Variants in ATG10 observed in about 807,000 individuals in gnomAD.
The protein encoded by ATG10 is autophagy related 10, also known as ubiquitin-like-conjugating enzyme ATG10.
Under a neutral mutation model 32.1 loss-of-function variants are expected in ATG10, and 30 were observed. The observed-to-expected ratio is 0.94, with a 90% CI of 0.70 to 1.27. The LOEUF is 1.27. ATG10 is among the 50% of genes most tolerant of loss of function. The pLI is 0.00. For missense variants in ATG10, 233 were observed against 262.3 expected, an observed-to-expected ratio of 0.89 and a Z score of 0.77; for synonymous variants, 87 against 91.5, an observed-to-expected ratio of 0.95 and a Z score of 0.28.
chr5:81,991,795 CA>C (rs879300586), intron 2 of ATG10, among the ~76,000 whole-genome samples: 469 of 127,260 alleles, frequency 3.7e-3, no homozygotes, highest in Middle Eastern at 8.0e-3. Flanking sequence ...AACTCCGTCT[CA>C]AAAAAAAAAA....
intron 3 of ATG10, among the ~76,000 whole-genome samples, chr5:82,132,459 G>A (rs1245690926): frequency 2.3e-5 from 3 of 132,972 alleles, no homozygotes; most frequent in Admixed American, 9.5e-5. Context: ...CTGTGTCCAT[G>A]TGTTCTCATT....
At chr5:82,216,900 C>A (rs1745702699) in intron 5 of ATG10, among the ~76,000 whole-genome samples, 1 of 151,934 alleles carries the variant, frequency 6.6e-6, no homozygotes, top group Admixed American at 6.6e-5. Flanking sequence ...ACTAAAAATA[C>A]AAAAATCAGC....
intron 3 of ATG10, among the ~76,000 whole-genome samples, chr5:82,106,008 TAATCA>T (rs1265423889): frequency 6.6e-6 from 1 of 152,142 alleles, no homozygotes; most frequent in Non-Finnish European, 1.5e-5. Flanking sequence ...AAAGTAACTA[TAATCA>T]AATCAAATAT....
chr5:82,104,050 A>C (rs1401159603), intron 3 of ATG10, among the ~76,000 whole-genome samples: 2 of 151,992 alleles, frequency 1.3e-5, no homozygotes, highest in African/African-American at 4.8e-5. Flanking sequence ...ATCTAGTTCC[A>C]CTGTTCAAAT....
At chr5:81,978,723 C>T (rs1333597453) in intron 1 of ATG10, among the ~76,000 whole-genome samples, 1 of 151,976 alleles carries the variant, frequency 6.6e-6, no homozygotes, top group South Asian at 2.1e-4. Context: ...GGCAGTGTCA[C>T]GGTCATAGCT....
intron 3 of ATG10, among the ~76,000 whole-genome samples, chr5:82,133,604 C>T (rs1027596550): frequency 2.6e-5 from 4 of 152,052 alleles, no homozygotes; most frequent in African/African-American, 4.8e-5. Context: ...ATACAAGTAC[C>T]ATACTGTTGT....
At chr5:82,189,587 A>G (rs1334146370) in intron 5 of ATG10, among the ~76,000 whole-genome samples, 1 of 152,090 alleles carries the variant, frequency 6.6e-6, no homozygotes, top group Non-Finnish European at 1.5e-5. Context: ...TACAGATGCT[A>G]TTTTAAGTGT....
intron 1 of ATG10, among the ~76,000 whole-genome samples, chr5:81,979,689 CTTT>C (rs35202555): frequency 1.6e-4 from 20 of 123,780 alleles, no homozygotes; most frequent in Non-Finnish European, 1.4e-4. Flanking sequence ...GTAGGTAAAC[CTTT>C]TTTTTTTTTT....
chr5:82,047,301 T>C (rs950529677), intron 2 of ATG10, among the ~76,000 whole-genome samples: 1 of 151,970 alleles, frequency 6.6e-6, no homozygotes, highest in African/African-American at 2.4e-5. Flanking sequence ...GAACTCAAAA[T>C]GGGCAAGTTG....
At position 82,231,771 on chromosome 5, in the gene ATG10, G is replaced by C. The variant is rs191602622; in HGVS notation, c.454-20791G>C. ...TGAAATCACTGGGAAATCTGCTTCT[G>C]GGTATAAAAGGAATCCTTATATTTT... is the stretch of plus-strand genomic sequence containing the variant. On this transcript the variant is annotated intron_variant, in intron 5 of 7. Coordinates refer to ENST00000282185, the MANE Select transcript of ATG10 (RefSeq NM_031482.5). 7.6e-4 allele frequency among the ~76,000 whole-genome samples: 116 copies of C among 152,216 alleles called. 3 individuals carry two copies. The East Asian group carries it at 0.02, about 27-fold the overall frequency.
intron 2 of ATG10, among the ~76,000 whole-genome samples, chr5:82,018,677 C>T (rs1174635698): frequency 2.0e-5 from 3 of 152,168 alleles, no homozygotes; most frequent in Non-Finnish European, 4.4e-5. Context: ...CTGACTGGCC[C>T]CTCTGTCTAG....
At chr5:82,181,152 C>G (rs1744217062) in intron 5 of ATG10, among the ~76,000 whole-genome samples, 1 of 152,080 alleles carries the variant, frequency 6.6e-6, no homozygotes, top group Non-Finnish European at 1.5e-5. Flanking sequence ...AACACTAAGG[C>G]TGGGGCTCAC....
intron 2 of ATG10, among the ~76,000 whole-genome samples, chr5:82,021,582 A>G (rs1174017586): frequency 1.3e-5 from 2 of 152,252 alleles, no homozygotes; most frequent in African/African-American, 4.8e-5. Flanking sequence ...AAGCAGATGT[A>G]GTTTAAAAAT....
At chr5:82,130,771 AC>A (rs1329741588) in intron 3 of ATG10, among the ~76,000 whole-genome samples, 1 of 152,106 alleles carries the variant, frequency 6.6e-6, no homozygotes, top group Non-Finnish European at 1.5e-5. Flanking sequence ...GGAGCTGCAG[AC>A]CGGAGCAGTT....
Position 82,133,718 on chromosome 5 carries a change from G to C in ATG10, c.217-30681G>C, listed in dbSNP as rs147505364. Among the ~76,000 whole-genome samples the C allele has an allele frequency of 5.2e-3, 798 of 152,082 alleles. 3 individuals are homozygous for C. Among genetic ancestry groups the C allele is most frequent in the Admixed American group, 8.2e-3 (125 of 15,276 alleles). On this transcript the variant is annotated intron_variant, in intron 3 of 7. Transcript: ENST00000282185. Reference sequence around the variant, plus strand: ...CTTGGCTATGAGGGCTCTTTTTTTGGTTCCATATGAAATTTAAAGTAGTTT... The same window carrying C: ...CTTGGCTATGAGGGCTCTTTTTTTGCTTCCATATGAAATTTAAAGTAGTTT...
chr5:82,146,644 G>A (rs1057044507), intron 3 of ATG10, among the ~76,000 whole-genome samples: 1 of 149,336 alleles, frequency 6.7e-6, no homozygotes, highest in Non-Finnish European at 1.5e-5. Context: ...CAGATTGGAC[G>A]ACTTCATTTC....
chr5:81,976,410 G>A (rs925580835), intron 1 of ATG10: 3 of 152,030 alleles, frequency 2.0e-5, no homozygotes, highest in African/African-American at 7.2e-5. Flanking sequence ...AGCTTCCTGT[G>A]TTAAAATAAT....
intron 3 of ATG10, among the ~76,000 whole-genome samples, chr5:82,106,386 G>A (rs1444293298): frequency 6.6e-6 from 1 of 152,054 alleles, no homozygotes; most frequent in Non-Finnish European, 1.5e-5. Context: ...GTATGAAGCC[G>A]TATTTGAGAG....
chr5:82,004,313 A>G (rs1199872498), intron 2 of ATG10, among the ~76,000 whole-genome samples: 1 of 152,204 alleles, frequency 6.6e-6, no homozygotes, highest in Non-Finnish European at 1.5e-5. Context: ...GCATTACTAA[A>G]AATGGGGGAA....
Sources: allele counts gnomAD v4.1 joint callset (sites outside exome capture counted in the v4.1 genomes callset), GRCh38; gene constraint gnomAD v4.1.1; transcripts MANE v1.5; gene names NCBI Gene and HGNC (gene_info 2026-07-23, HGNC 2026-07-21).